PRPF18: variants seen among roughly 807,000 people sequenced by gnomAD.
PRPF18 encodes pre-mRNA processing factor 18.
PRPF18 carries 38 observed loss-of-function variants against 46.5 expected under a neutral mutation model. That is an observed-to-expected ratio of 0.82 (90% CI 0.63 to 1.07). The LOEUF (loss-of-function observed/expected upper bound fraction) is 1.07. Among genes scored for constraint, PRPF18 ranks in the 50% least tolerant of loss-of-function variants. The pLI, the probability that PRPF18 is intolerant of heterozygous loss-of-function variation, is 0.00. For missense variants in PRPF18, 263 were observed against 410.0 expected, an observed-to-expected ratio of 0.64 and a Z score of 3.10; for synonymous variants, 152 against 146.7, an observed-to-expected ratio of 1.04 and a Z score of -0.26.
chr10:13,648,010 G>A, the PRPF18 span: 6 of 145,458 alleles, frequency 4.1e-5, no homozygotes, highest in South Asian at 2.4e-4. Flanking sequence ...GGAGCATTTC[G>A]GTACCAAACA....
At chr10:13,618,779 A>G (rs1460014209) in intron 9 of PRPF18, among the ~76,000 whole-genome samples, 1 of 152,150 alleles carries the variant, frequency 6.6e-6, no homozygotes, top group Non-Finnish European at 1.5e-5. Flanking sequence ...TATCTGACTC[A>G]TGGTGGGTGC....
At chr10:13,587,179 G>A (rs926697735) in intron 1 of PRPF18, 27 bp downstream of exon 1, 2 of 1,598,370 alleles carry the variant, frequency 1.3e-6, no homozygotes, top group Non-Finnish European at 1.7e-6. Flanking sequence ...CGTGGGGGTC[G>A]GGATGTAAGA....
At chr10:13,615,853 G>T (rs1010125893) in intron 8 of PRPF18, among the ~76,000 whole-genome samples, 1 of 152,118 alleles carries the variant, frequency 6.6e-6, no homozygotes, top group Non-Finnish European at 1.5e-5. Context: ...TCGACTGGAG[G>T]GCCAGTGTTT....
At chr10:13,590,441 C>CA (rs71721771) in intron 1 of PRPF18, among the ~76,000 whole-genome samples, 1,471 of 134,926 alleles carry the variant, frequency 0.011, 19 homozygotes, top group East Asian at 0.021. Flanking sequence ...ACTGAAAATA[C>CA]AAAAAAAAAA....
intron 9 of PRPF18, among the ~76,000 whole-genome samples, chr10:13,625,370 G>A (rs2080486981): frequency 6.6e-6 from 1 of 151,878 alleles, no homozygotes; most frequent in South Asian, 2.1e-4. Context: ...AAGAACATTA[G>A]GCTATAAAAA....
chr10:13,654,442 G>T, the PRPF18 span: 1 of 1,612,842 alleles, frequency 6.2e-7, no homozygotes, highest in Non-Finnish European at 8.5e-7. Flanking sequence ...GGATGTGGTG[G>T]GGGCTGCTTG....
chr10:13,587,878 C>T (rs2079900052), intron 1 of PRPF18, among the ~76,000 whole-genome samples: 1 of 152,150 alleles, frequency 6.6e-6, no homozygotes, highest in African/African-American at 2.4e-5. Context: ...ACGCCAAGGA[C>T]CCGGGCAACT....
chr10:13,612,646 T>C (rs2080287271), intron 6 of PRPF18, among the ~76,000 whole-genome samples: 1 of 149,888 alleles, frequency 6.7e-6, no homozygotes, highest in Non-Finnish European at 1.5e-5. Context: ...TTTTTTTTTT[T>C]TTAAGCAAAA....
At chr10:13,602,605 G>A (rs2080129170) in intron 3 of PRPF18, among the ~76,000 whole-genome samples, 1 of 150,872 alleles carries the variant, frequency 6.6e-6, no homozygotes, top group African/African-American at 2.4e-5. Context: ...CTACCTTTAT[G>A]AACTCATTCT....
intron 9 of PRPF18, among the ~76,000 whole-genome samples, chr10:13,623,644 T>A (rs2080452472): frequency 6.6e-6 from 1 of 152,130 alleles, no homozygotes; most frequent in Non-Finnish European, 1.5e-5. Context: ...CCTCAAGTTC[T>A]AATGATATAT....
At chr10:13,645,726 A>G in the PRPF18 span, 1 of 152,662 alleles carries the variant, frequency 6.6e-6, no homozygotes, top group East Asian at 1.9e-4. Context: ...ACCTAAGGGC[A>G]TAGTTGGGTT....
At chr10:13,653,742 G>T in the PRPF18 span, 2 of 152,676 alleles carry the variant, frequency 1.3e-5, no homozygotes, top group Admixed American at 1.3e-4. Context: ...GAAGAGGCAG[G>T]TGCTGTAGGG....
rs142307573 is a variant in PRPF18, at chr10:13,600,257, A to G, written c.158A>G (p.Glu53Gly). ...ERCGYKIQPK[E>G]EDQKPLTSSN... Reference sequence around the variant, plus strand: ...CTATTAATATAGATACAGCCAAAAGAGGAGGACCAGAAACCATTAACTTCA... The same window carrying G: ...CTATTAATATAGATACAGCCAAAAGGGGAGGACCAGAAACCATTAACTTCA... Residue 53 changes from glutamate to glycine, a missense_variant, in exon 3 of 10, where the codon GAG becomes GGG. Glu to Gly is a moderately conservative substitution (Grantham distance 98). Transcript: ENST00000378572. 2,886 of 1,609,500 alleles carry G rather than the reference A, an allele frequency of 1.8e-3. 4 individuals carry two copies. The highest frequency in any genetic ancestry group is 2.2e-3 in the Admixed American group (133 of 59,352).
the PRPF18 span, chr10:13,641,406 G>A: frequency 1.3e-5 from 2 of 152,234 alleles, no homozygotes; most frequent in African/African-American, 2.4e-5. Flanking sequence ...GGGGATATTG[G>A]GTAGGCAGTG....
chr10:13,607,458 C>G (rs904817443), intron 4 of PRPF18, among the ~76,000 whole-genome samples: 2 of 152,084 alleles, frequency 1.3e-5, no homozygotes, highest in South Asian at 4.1e-4. Context: ...CACTCTCACC[C>G]AGGCTGGAGT....
intron 3 of PRPF18, among the ~76,000 whole-genome samples, chr10:13,604,020 T>C (rs2080150972): frequency 6.6e-6 from 1 of 152,198 alleles, no homozygotes; most frequent in South Asian, 2.1e-4. Flanking sequence ...TTGGGGGAAG[T>C]AGATTTCAGT....
the PRPF18 span, chr10:13,654,377 T>A: frequency 7.8e-7 from 1 of 1,282,588 alleles, no homozygotes; most frequent in East Asian, 2.3e-5. Flanking sequence ...TGACACTCTT[T>A]CGAGCTGACA....
At chr10:13,653,269 T>G in the PRPF18 span, 1 of 152,108 alleles carries the variant, frequency 6.6e-6, no homozygotes, top group Non-Finnish European at 1.5e-5. Flanking sequence ...ATCCTAGCAC[T>G]TTGGGAAGCT....
chr10:13,645,222 C>T, the PRPF18 span: 2 of 152,104 alleles, frequency 1.3e-5, no homozygotes, highest in African/African-American at 4.8e-5. Flanking sequence ...ACATGAAAAG[C>T]GAAGATTTTT....
Sources: gnomAD v4.1 joint callset for allele counts (sites outside exome capture counted in the v4.1 genomes callset) on GRCh38, gnomAD v4.1.1 for gene constraint, MANE v1.5 for transcripts, NCBI Gene and HGNC (gene_info 2026-07-23, HGNC 2026-07-21) for gene names.